NOVA1: variants seen among roughly 807,000 people sequenced by gnomAD.
NOVA1 encodes NOVA alternative splicing regulator 1.
NOVA1 carries 7 observed loss-of-function variants against 38.0 expected under a neutral mutation model. The observed-to-expected ratio is 0.18, with a 90% CI of 0.10 to 0.35. The LOEUF (loss-of-function observed/expected upper bound fraction) is 0.35. Among genes scored for constraint, NOVA1 ranks in the 10% least tolerant of loss-of-function variants. The pLI is 1.00. For missense variants in NOVA1, 460 were observed against 616.0 expected (o/e 0.75, Z 2.68); for synonymous variants, 270 against 232.5 (o/e 1.16, Z -1.47).
At chr14:26,571,742 A>C (rs1027253644) in intron 2 of NOVA1, among the ~76,000 whole-genome samples, 1 of 152,232 alleles carries the variant, frequency 6.6e-6, no homozygotes, top group African/African-American at 2.4e-5. Context: ...GACAACTGTC[A>C]CATAGAAGAA....
rs566918469 is a variant in NOVA1, at chr14:26,447,998, C to A, written c.1485G>T (p.Glu495Asp). Residue 495 changes from glutamate to aspartate, a missense_variant, in exon 5 of 5, where the codon GAG becomes GAT. Coordinates refer to ENST00000539517, the MANE Select transcript of NOVA1 (RefSeq NM_002515.3). ...QYLITQRITYEQGVRAANPQK... is the reference protein window; with the variant it reads ...QYLITQRITYDQGVRAANPQK... The stretch of plus-strand genomic sequence containing the variant: ...GAGGATTGGCAGCCCGAACTCCTTG[C>A]TCATATGTGATCCTTTGTGTAATTA... The A allele has an allele frequency of 6.2e-7, 1 of 1,614,178 alleles. No homozygotes were observed. Among genetic ancestry groups the A allele is most frequent in the African/African-American group, 1.3e-5 (1 of 75,046 alleles).
At position 26,447,650 on chromosome 14, in the gene NOVA1, G is replaced by A; in HGVS notation, c.*309C>T. On this transcript the variant is annotated 3_prime_UTR_variant, in exon 5 of 5. Transcript: ENST00000539517. ...TACTGAAAACTATACGCATATCCCT[G>A]TCTACATTCAATCATTAAACTACAA... is the stretch of plus-strand genomic sequence containing the variant. 1 of 376,150 alleles carries A rather than the reference G, an allele frequency of 2.7e-6. No individual in the cohort carries two copies. The highest frequency in any genetic ancestry group is 4.9e-6 in the Non-Finnish European group (1 of 204,736). 23.3% of individuals were successfully genotyped at this position (376,150 alleles called of 1,614,324 possible).
chr14:26,466,083 C>T (rs563351448), intron 4 of NOVA1, among the ~76,000 whole-genome samples: 1 of 152,156 alleles, frequency 6.6e-6, no homozygotes, highest in South Asian at 2.1e-4. Context: ...GTTAGCCAAG[C>T]AGATCTCTAT....
At chr14:26,501,572 ATTATT>A (rs1788973307) in intron 2 of NOVA1, among the ~76,000 whole-genome samples, 1 of 151,944 alleles carries the variant, frequency 6.6e-6, no homozygotes, top group South Asian at 2.1e-4. Context: ...GAAATAATAT[ATTATT>A]TTATCTTCTC....
At chr14:26,466,226 A>G (rs533521790) in intron 4 of NOVA1, among the ~76,000 whole-genome samples, 58 of 152,344 alleles carry the variant, frequency 3.8e-4, no homozygotes, top group Middle Eastern at 3.4e-3. Context: ...CAGGAAATAA[A>G]GAGATTATGT....
At chr14:26,541,269 C>T (rs144163663) in intron 2 of NOVA1, among the ~76,000 whole-genome samples, 1 of 152,080 alleles carries the variant, frequency 6.6e-6, no homozygotes, top group African/African-American at 2.4e-5. Context: ...TTCTTATTTG[C>T]ACTTTCCCTG....
intron 2 of NOVA1, among the ~76,000 whole-genome samples, chr14:26,492,404 AGT>A (rs1886414827): frequency 6.6e-6 from 1 of 152,198 alleles, no homozygotes; most frequent in African/African-American, 2.4e-5. Context: ...GTTTAATAAC[AGT>A]GGTGAAAGCA....
intron 2 of NOVA1, among the ~76,000 whole-genome samples, chr14:26,488,351 T>C (rs1311781603): frequency 6.6e-6 from 1 of 152,160 alleles, no homozygotes; most frequent in Non-Finnish European, 1.5e-5. Flanking sequence ...AATGGCAAAG[T>C]AGATGTTGTC....
chr14:26,550,038 G>A (rs178169), intron 2 of NOVA1, among the ~76,000 whole-genome samples: 88,282 of 152,082 alleles, frequency 0.58, 30,787 homozygotes, highest in Non-Finnish European at 0.75. Context: ...TGCAGGAAAC[G>A]TAGAAATATA....
intron 4 of NOVA1, among the ~76,000 whole-genome samples, chr14:26,471,094 A>AC (rs5807363): frequency 0.92 from 140,457 of 152,044 alleles, 65,695 homozygotes; most frequent in East Asian, 1. Flanking sequence ...GCAGATGTGT[A>AC]TTTACTAACC....
intron 4 of NOVA1, among the ~76,000 whole-genome samples, chr14:26,464,150 ACATT>A (rs970591867): frequency 1.3e-5 from 2 of 152,182 alleles, no homozygotes; most frequent in Non-Finnish European, 2.9e-5. Flanking sequence ...TCTTTATCAT[ACATT>A]AAGTTCCCAT....
At chr14:26,449,852 CAT>C (rs1242523591) in intron 4 of NOVA1, among the ~76,000 whole-genome samples, 2 of 152,002 alleles carry the variant, frequency 1.3e-5, no homozygotes, top group Non-Finnish European at 2.9e-5. Context: ...TATGACCACA[CAT>C]AGACATCTTT....
chr14:26,456,798 A>T (rs920933631), intron 4 of NOVA1, among the ~76,000 whole-genome samples: 2 of 152,022 alleles, frequency 1.3e-5, no homozygotes, highest in African/African-American at 4.8e-5. Flanking sequence ...ACACTAGTAC[A>T]CTGCATAATG....
At position 26,549,747 on chromosome 14, in the gene NOVA1, G is replaced by A. The variant is rs1398570759; in HGVS notation, c.280+45663C>T. The A allele has an allele frequency of 4.7e-6, 6 of 1,288,664 alleles. No homozygotes were observed. In the Admixed American group the frequency reaches 1.1e-4, roughly 25 times the overall value. 79.8% of individuals were successfully genotyped at this position (1,288,664 alleles called of 1,614,324 possible). On this transcript the variant is annotated intron_variant, in intron 2 of 4. Transcript: ENST00000539517. Reference sequence around the variant, plus strand: ...ACAGTGGAGAAATACCTTCTGTACAGCACCATGTACAATTTCTTCTGCAGC... The same window carrying A: ...ACAGTGGAGAAATACCTTCTGTACAACACCATGTACAATTTCTTCTGCAGC...
chr14:26,514,746 T>C (rs1259176056), intron 2 of NOVA1, among the ~76,000 whole-genome samples: 2 of 151,890 alleles, frequency 1.3e-5, no homozygotes, highest in African/African-American at 4.8e-5. Flanking sequence ...CTTCAAAGTT[T>C]AAATATTTCA....
chr14:26,445,166 A>G lies in NOVA1; in HGVS notation c.*2793T>C, dbSNP rs957574891. ...ACAAGTCTATAAATAGTTGCATTTCATAAGATGTTTGGCCCTTGTATCATC... is the reference window on the plus strand; with the variant it reads ...ACAAGTCTATAAATAGTTGCATTTCGTAAGATGTTTGGCCCTTGTATCATC... On this transcript the variant is annotated 3_prime_UTR_variant, in exon 5 of 5. Coordinates refer to ENST00000539517, the MANE Select transcript of NOVA1 (RefSeq NM_002515.3). 14 of 152,222 alleles carry G rather than the reference A, an allele frequency of 9.2e-5. No individual in the cohort carries two copies. The highest frequency in any genetic ancestry group is 2.2e-4 in the African/African-American group (9 of 41,464). The allele number at this position is 152,222 out of a possible 1,614,324, so 9.4% of individuals were successfully genotyped here. A position where few individuals can be genotyped will look rare whatever the true frequency, so the allele number is the denominator to read the frequency against.
At chr14:26,540,893 G>A (rs889900976) in intron 2 of NOVA1, among the ~76,000 whole-genome samples, 1 of 152,056 alleles carries the variant, frequency 6.6e-6, no homozygotes, top group African/African-American at 2.4e-5. Flanking sequence ...GAAATACAGT[G>A]GTAAAACTAG....
chr14:26,456,559 C>T (rs1883191365), intron 4 of NOVA1, among the ~76,000 whole-genome samples: 1 of 151,900 alleles, frequency 6.6e-6, no homozygotes, highest in Non-Finnish European at 1.5e-5. Context: ...AACTGATCAT[C>T]AAGTAAAAAA....
chr14:26,597,128 G>C (rs960948077), intron 1 of NOVA1, 173 bp downstream of exon 1: 1 of 1,227,940 alleles, frequency 8.1e-7, no homozygotes, highest in African/African-American at 1.6e-5. Context: ...TAGGCGCGGG[G>C]CAGGTGCAGG....
Sources: gnomAD v4.1 joint callset for allele counts (sites outside exome capture counted in the v4.1 genomes callset) on GRCh38, gnomAD v4.1.1 for gene constraint, MANE v1.5 for transcripts, NCBI Gene and HGNC (gene_info 2026-07-23, HGNC 2026-07-21) for gene names.